TCF12: variants seen among roughly 807,000 people sequenced by gnomAD.
TCF12 encodes transcription factor 12, also known as DNA-binding protein HTF4.
A neutral mutation model predicts 86.0 loss-of-function variants in TCF12; 45 were observed. The observed-to-expected ratio is 0.52, with a 90% CI of 0.41 to 0.67. The LOEUF (loss-of-function observed/expected upper bound fraction) is 0.67, where lower values mean the gene tolerates loss of function less well. Ranked by LOEUF, TCF12 falls within the 30% of genes least tolerant of loss-of-function variation. The pLI is 0.00. For synonymous variants in TCF12, 330 were observed against 299.6 expected, an observed-to-expected ratio of 1.10 and a Z score of -1.05; for missense variants, 881 against 859.9, an observed-to-expected ratio of 1.02 and a Z score of -0.31.
At chr15:57,068,857 G>T (rs2069128521) in intron 4 of TCF12, among the ~76,000 whole-genome samples, 2 of 152,136 alleles carry the variant, frequency 1.3e-5, no homozygotes, top group Non-Finnish European at 2.9e-5. Flanking sequence ...CATGTATTTT[G>T]TAGGGTTTTG....
chr15:57,044,303 T>C (rs1284676041), intron 3 of TCF12, among the ~76,000 whole-genome samples: 1 of 152,144 alleles, frequency 6.6e-6, no homozygotes, highest in African/African-American at 2.4e-5. Context: ...GGGTCACACC[T>C]GTAATCCCAG....
At chr15:57,210,838 C>T (rs1481743519) in intron 8 of TCF12, among the ~76,000 whole-genome samples, 4 of 152,206 alleles carry the variant, frequency 2.6e-5, no homozygotes, top group Non-Finnish European at 5.9e-5. Flanking sequence ...ATACTCACTA[C>T]AGCCACATTT....
In TCF12 at chr15:57,252,428, G is replaced by T. The variant is rs765920481; in HGVS notation, c.1196G>T (p.Arg399Leu). ...YENSLHSLKN[R>L]VEQQLHEHLQ... ...CTGTCTTGACTTTGCCAGAAAAATCGAGTTGAGCAGCAACTTCACGAGCAT... is the reference window on the plus strand; with the variant it reads ...CTGTCTTGACTTTGCCAGAAAAATCTAGTTGAGCAGCAACTTCACGAGCAT... Residue 399 changes from arginine to leucine, a missense_variant, in exon 15 of 21, where the codon CGA (arginine) becomes CTA (leucine). Physicochemically the swap from Arg to Leu is moderately radical, Grantham distance 102 (BLOSUM62 -2). This residue lies in a region of TCF12 where 766 missense variants were observed against 718.9 expected (regional missense o/e 1.07). Coordinates refer to ENST00000333725, the MANE Select transcript of TCF12 (RefSeq NM_207037.2). 6.2e-7 allele frequency: 1 copy of T among 1,613,764 alleles called. No homozygotes were observed.
intron 3 of TCF12, among the ~76,000 whole-genome samples, chr15:57,042,770 G>A (rs1363481379): frequency 6.6e-6 from 1 of 151,728 alleles, no homozygotes; most frequent in African/African-American, 2.4e-5. Flanking sequence ...GTTTTTTATT[G>A]TGGTTAAAAA....
intron 18 of TCF12, among the ~76,000 whole-genome samples, chr15:57,271,450 C>T (rs1356954581): frequency 1.3e-5 from 2 of 152,198 alleles, no homozygotes; most frequent in Non-Finnish European, 2.9e-5. Context: ...GGGAAAAGCG[C>T]AGTATTTGGG....
At chr15:57,220,635 T>A (rs1273693490) in intron 8 of TCF12, among the ~76,000 whole-genome samples, 3 of 151,970 alleles carry the variant, frequency 2.0e-5, no homozygotes, top group Non-Finnish European at 4.4e-5. Flanking sequence ...ATTAATTACC[T>A]AATGTTAATA....
chr15:57,227,147 C>G (rs750365209), intron 8 of TCF12, among the ~76,000 whole-genome samples: 1 of 151,998 alleles, frequency 6.6e-6, no homozygotes, highest in Non-Finnish European at 1.5e-5. Context: ...TATGGATAAT[C>G]ACACCATGCT....
intron 8 of TCF12, among the ~76,000 whole-genome samples, chr15:57,208,733 G>A (rs1281881812): frequency 2.6e-5 from 4 of 151,032 alleles, no homozygotes; most frequent in African/African-American, 4.9e-5. Context: ...TTTGAAACAG[G>A]AATTCAGTCT....
At chr15:57,244,975 A>G (rs1189176613) in intron 13 of TCF12, among the ~76,000 whole-genome samples, 1 of 152,204 alleles carries the variant, frequency 6.6e-6, no homozygotes, top group Admixed American at 6.5e-5. Context: ...CAGTGTTTGG[A>G]GAAAAGCCTT....
chr15:56,955,942 T>G (rs925346458), intron 3 of TCF12, among the ~76,000 whole-genome samples: 13 of 152,204 alleles, frequency 8.5e-5, no homozygotes, highest in Non-Finnish European at 1.2e-4. Context: ...CTTAGTAGTA[T>G]TATATGTACT....
intron 13 of TCF12, 113 bp downstream of exon 13, chr15:57,243,663 G>T: frequency 1.1e-6 from 1 of 903,926 alleles, no homozygotes; most frequent in South Asian, 1.7e-5. Context: ...TTTAGATTTT[G>T]ACTATAAGAA....
intron 3 of TCF12, among the ~76,000 whole-genome samples, chr15:57,057,119 T>C (rs1249858713): frequency 3.3e-5 from 5 of 152,226 alleles, no homozygotes; most frequent in Admixed American, 3.3e-4. Flanking sequence ...TGGTAGCTGC[T>C]CAGATCTCAA....
chr15:57,014,379 A>C (rs1403101613), intron 3 of TCF12, among the ~76,000 whole-genome samples: 1 of 152,066 alleles, frequency 6.6e-6, no homozygotes, highest in East Asian at 1.9e-4. Flanking sequence ...CATCAGTGGA[A>C]ATCCAATATT....
intron 5 of TCF12, among the ~76,000 whole-genome samples, chr15:57,144,378 A>C (rs2053209581): frequency 6.6e-6 from 1 of 152,276 alleles, no homozygotes; most frequent in Non-Finnish European, 1.5e-5. Context: ...ATTCTGGACC[A>C]GAACAGGGCG....
At chr15:57,021,728 G>T (rs557417574) in intron 3 of TCF12, among the ~76,000 whole-genome samples, 2 of 144,664 alleles carry the variant, frequency 1.4e-5, no homozygotes, top group African/African-American at 5.3e-5. Context: ...AACTGTATGG[G>T]TCCATTTATA....
chr15:57,203,621 CCCGTACGTAG>C (rs1205240871), intron 8 of TCF12, among the ~76,000 whole-genome samples: 2 of 152,162 alleles, frequency 1.3e-5, no homozygotes. Context: ...TGTTTGCAGT[CCCGTACGTAG>C]CCTGATGACA....
chr15:57,016,733 C>A (rs2065173619), intron 3 of TCF12, among the ~76,000 whole-genome samples: 1 of 152,000 alleles, frequency 6.6e-6, no homozygotes, highest in African/African-American at 2.4e-5. Context: ...GAAGCACTGA[C>A]TGCCTTTGTT....
chr15:57,106,346 A>T (rs1469035995), intron 5 of TCF12, among the ~76,000 whole-genome samples: 1 of 152,224 alleles, frequency 6.6e-6, no homozygotes, highest in Non-Finnish European at 1.5e-5. Context: ...GGGAAACTGG[A>T]TGAAAAGTAC....
intron 5 of TCF12, among the ~76,000 whole-genome samples, chr15:57,153,326 C>T (rs1362825411): frequency 6.6e-6 from 1 of 152,162 alleles, no homozygotes; most frequent in African/African-American, 2.4e-5. Context: ...CTACTCAACT[C>T]TGCCATTGTA....
Sources: gnomAD v4.1 joint callset for allele counts (sites outside exome capture counted in the v4.1 genomes callset) on GRCh38, gnomAD v4.1.1 for gene constraint, gnomAD v4.1.1 regional missense constraint, MANE v1.5 for transcripts, NCBI Gene and HGNC (gene_info 2026-07-23, HGNC 2026-07-21) for gene names.